NRXN1: variants seen among roughly 807,000 people sequenced by gnomAD.
The protein encoded by NRXN1 is neurexin 1, also known as neurexin-1.
Under a neutral mutation model 150.9 loss-of-function variants are expected in NRXN1, and 39 were observed. The ratio of observed to expected loss-of-function variants is 0.26; its 90% CI spans 0.20 to 0.34. The LOEUF (loss-of-function observed/expected upper bound fraction) is 0.34. Among genes scored for constraint, NRXN1 ranks in the 10% least tolerant of loss-of-function variants. The pLI is 1.00. For synonymous variants in NRXN1, 924 were observed against 757.0 expected (o/e 1.22, Z -3.62); for missense variants, 1,815 against 1,949.9 (o/e 0.93, Z 1.30).
intron 5 of NRXN1, among the ~76,000 whole-genome samples, chr2:50,739,531 G>A (rs1236965629): frequency 5.9e-5 from 9 of 152,062 alleles, no homozygotes; most frequent in Non-Finnish European, 8.8e-5. Flanking sequence ...AAAATGCTAG[G>A]TAATTCCAAT....
chr2:50,760,623 C>G (rs1294134502), intron 5 of NRXN1, among the ~76,000 whole-genome samples: 2 of 151,692 alleles, frequency 1.3e-5, no homozygotes, highest in Admixed American at 6.6e-5. Flanking sequence ...ATTCCTATAA[C>G]CAATCATTTT....
chr2:50,861,596 G>A (rs980827307), intron 5 of NRXN1, among the ~76,000 whole-genome samples: 3 of 152,018 alleles, frequency 2.0e-5, no homozygotes, highest in Admixed American at 6.6e-5. Context: ...CCAGAGGAGC[G>A]TTTAGTCCAT....
chr2:50,427,687 C>A (rs972617001), intron 17 of NRXN1, among the ~76,000 whole-genome samples: 6 of 152,176 alleles, frequency 3.9e-5, no homozygotes, highest in African/African-American at 1.4e-4. Flanking sequence ...TAACCTAAAT[C>A]AATTTGGCAA....
chr2:50,141,838 T>C (rs1405044934), intron 18 of NRXN1, among the ~76,000 whole-genome samples: 5 of 152,078 alleles, frequency 3.3e-5, no homozygotes, highest in Admixed American at 3.3e-4. Context: ...AGGCAATTCT[T>C]ACACATTGTT....
intron 5 of NRXN1, among the ~76,000 whole-genome samples, chr2:50,640,665 T>C (rs1683946347): frequency 6.6e-6 from 1 of 152,150 alleles, no homozygotes; most frequent in African/African-American, 2.4e-5. Flanking sequence ...ACATACTGCC[T>C]TTGCAAAGGA....
At chr2:50,735,263 A>G in intron 5 of NRXN1, among the ~76,000 whole-genome samples, 1 of 152,224 alleles carries the variant, frequency 6.6e-6, no homozygotes. Flanking sequence ...TACATATTTT[A>G]TATTTTAATT....
At chr2:50,449,008 A>C (rs2086719534) in intron 17 of NRXN1, among the ~76,000 whole-genome samples, 1 of 152,212 alleles carries the variant, frequency 6.6e-6, no homozygotes, top group Admixed American at 6.5e-5. Flanking sequence ...CTGGCCCAGA[A>C]CGAAGCAGAG....
chr2:50,086,024 T>C (rs990365045), intron 19 of NRXN1, among the ~76,000 whole-genome samples: 9 of 152,186 alleles, frequency 5.9e-5, no homozygotes, highest in South Asian at 2.1e-4. Context: ...AGCAAACCAG[T>C]TGGTCTCTTC....
chr2:50,579,662 A>AT (rs1553828356), intron 8 of NRXN1, among the ~76,000 whole-genome samples: 11 of 152,286 alleles, frequency 7.2e-5, no homozygotes, highest in Admixed American at 1.3e-4. Context: ...AAAATAAAAA[A>AT]ATATATATAT....
intron 5 of NRXN1, among the ~76,000 whole-genome samples, chr2:50,866,855 A>G (rs763894080): frequency 6.6e-6 from 1 of 151,922 alleles, no homozygotes; most frequent in Non-Finnish European, 1.5e-5. Flanking sequence ...AATTCATTAA[A>G]CTTGGCTCCT....
At chr2:50,345,657 A>C (rs1294812184) in intron 17 of NRXN1, among the ~76,000 whole-genome samples, 3 of 152,186 alleles carry the variant, frequency 2.0e-5, no homozygotes, top group African/African-American at 7.2e-5. Context: ...TTTATCTGAA[A>C]ATTAGAGGAA....
Position 50,497,734 on chromosome 2 carries a change from A to G in NRXN1, c.2498-20T>C. The stretch of plus-strand genomic sequence containing the variant: ...TTTGACCTAAAAGAGAAGATAATAT[A>G]TGATTATTTTCTGTATCTGAAAGGC... On this transcript the variant is annotated intron_variant, in intron 13 of 22. Coordinates refer to ENST00000401669, the MANE Select transcript of NRXN1 (RefSeq NM_001330078.2). 2 of 1,574,904 alleles carry G rather than the reference A, an allele frequency of 1.3e-6. No individual in the cohort carries two copies. Among genetic ancestry groups the G allele is most frequent in the Non-Finnish European group, 1.7e-6 (2 of 1,159,738 alleles).
intron 15 of NRXN1, among the ~76,000 whole-genome samples, chr2:50,495,368 GTGTGTGTGTGTGGT>G (rs1403540331): frequency 4.3e-4 from 3 of 7,004 alleles, no homozygotes; most frequent in African/African-American, 2.0e-3. Flanking sequence ...GTGTGTGTGT[GTGTGTGTGTGTGGT>G]GTGTGTGTGT....
At chr2:50,647,992 T>C (rs531562897) in intron 5 of NRXN1, among the ~76,000 whole-genome samples, 25 of 152,114 alleles carry the variant, frequency 1.6e-4, no homozygotes, top group Non-Finnish European at 3.2e-4. Context: ...CATGTATTTA[T>C]TTCCTTTAAA....
chr2:50,087,517 G>A (rs1414501342), intron 19 of NRXN1, among the ~76,000 whole-genome samples: 1 of 152,002 alleles, frequency 6.6e-6, no homozygotes, highest in Non-Finnish European at 1.5e-5. Flanking sequence ...TATTTTTGTG[G>A]AGAGAGAAAA....
chr2:50,502,744 A>C (rs1003476303), intron 13 of NRXN1, among the ~76,000 whole-genome samples: 10 of 152,176 alleles, frequency 6.6e-5, no homozygotes, highest in African/African-American at 2.4e-4. Flanking sequence ...AATGTGCATT[A>C]TGTGTATGTT....
intron 5 of NRXN1, among the ~76,000 whole-genome samples, chr2:50,725,376 A>G (rs1222027245): frequency 6.6e-6 from 1 of 152,010 alleles, no homozygotes; most frequent in Non-Finnish European, 1.5e-5. Context: ...TCTAATTGCA[A>G]TCAACAGCAA....
rs1668063079 is a variant in NRXN1 at position 49,920,792 on chromosome 2, T to G, written c.*1152A>C. The G allele has an allele frequency of 6.6e-6, 1 of 151,810 alleles. No individual in the cohort carries two copies. Among genetic ancestry groups the G allele is most frequent in the Non-Finnish European group, 1.5e-5 (1 of 67,918 alleles). The allele number at this position is 151,810 out of a possible 1,614,324, so 9.4% of individuals were successfully genotyped here. ...ATGTGAGTATTTCAGGGAGAAAAGA[T>G]TATAAGATACATATGTATATATGTG... On this transcript the variant is annotated 3_prime_UTR_variant, in exon 23 of 23. Transcript: ENST00000401669.
chr2:50,927,768 G>A (rs1343043174), intron 2 of NRXN1, among the ~76,000 whole-genome samples: 2 of 151,944 alleles, frequency 1.3e-5, no homozygotes, highest in Non-Finnish European at 2.9e-5. Context: ...TGCCAAGACA[G>A]TATGTCAATT....
Sources: gnomAD v4.1 joint callset for allele counts (sites outside exome capture counted in the v4.1 genomes callset) on GRCh38, gnomAD v4.1.1 for gene constraint, MANE v1.5 for transcripts, NCBI Gene and HGNC (gene_info 2026-07-23, HGNC 2026-07-21) for gene names.